Variants in POLG2 observed in about 807,000 individuals in gnomAD.
The protein encoded by POLG2 is DNA polymerase subunit gamma-2.
POLG2 carries 50 observed loss-of-function variants against 56.5 expected under a neutral mutation model. That is an observed-to-expected ratio of 0.88 (90% CI 0.71 to 1.12). The LOEUF (loss-of-function observed/expected upper bound fraction) is 1.12. POLG2 is among the 50% of genes most tolerant of loss of function. The pLI is 0.00. For missense variants in POLG2, 584 were observed against 583.3 expected (o/e 1.00, Z -0.01); for synonymous variants, 226 against 222.6 (o/e 1.02, Z -0.14).
intron 5 of POLG2, among the ~76,000 whole-genome samples, chr17:64,483,223 A>C (rs576100627): frequency 6.6e-6 from 1 of 152,270 alleles, no homozygotes; most frequent in East Asian, 1.9e-4. Context: ...GGCAGAAAGA[A>C]ATTAATTTGG....
At chr17:64,483,055 G>T in intron 5 of POLG2, 56 bp from the exon 6 acceptor site, 11 of 859,472 alleles carry the variant, frequency 1.3e-5, no homozygotes, top group Middle Eastern at 2.4e-4. Flanking sequence ...AGCATAGTTT[G>T]TTTAAATATA....
At chr17:64,489,692 G>A (rs2038023122) in intron 4 of POLG2, among the ~76,000 whole-genome samples, 1 of 151,854 alleles carries the variant, frequency 6.6e-6, no homozygotes, top group African/African-American at 2.4e-5. Context: ...AAGAGTTTGA[G>A]GTTGCAGTGA....
chr17:64,485,684 A>C (rs7223078), intron 5 of POLG2, 44 bp downstream of exon 5: 1 of 1,506,566 alleles, frequency 6.6e-7, no homozygotes, highest in Admixed American at 1.7e-5. Flanking sequence ...AAACAAACCC[A>C]TATTTTTAGT....
chr17:64,493,110 G>T, intron 1 of POLG2, 89 bp from the exon 2 acceptor site: 1 of 1,340,748 alleles, frequency 7.5e-7, no homozygotes, highest in Non-Finnish European at 1.1e-6. Flanking sequence ...TAGTAATAAC[G>T]TTAACACAGC....
At chr17:64,492,619 A>G (rs782594730) in intron 3 of POLG2, 48 bp downstream of exon 3, 2 of 1,092,408 alleles carry the variant, frequency 1.8e-6, no homozygotes, top group African/African-American at 3.1e-5. Flanking sequence ...TGACACATTA[A>G]GACAATTTAT....
At position 64,490,640 on chromosome 17, in the gene POLG2, T is replaced by A. The variant is rs2038041622; in HGVS notation, c.969+156A>T. 6.1e-6 allele frequency: 4 copies of A among 654,816 alleles called. No homozygotes were observed. In the Admixed American group the frequency reaches 7.2e-5, roughly 12 times the overall value. 40.6% of individuals were successfully genotyped at this position (654,816 alleles called of 1,614,324 possible). ...ATTACTGTTAATTTCCTGATTTTGATGACTGGATTGTAGTTATGTAGGTGA... is the reference window on the plus strand; with the variant it reads ...ATTACTGTTAATTTCCTGATTTTGAAGACTGGATTGTAGTTATGTAGGTGA... On this transcript the variant is annotated intron_variant, in intron 4 of 7. Coordinates refer to ENST00000539111, the MANE Select transcript of POLG2 (RefSeq NM_007215.4).
chr17:64,483,538 T>C (rs116729012), intron 5 of POLG2, among the ~76,000 whole-genome samples: 2,114 of 150,790 alleles, frequency 0.014, 39 homozygotes, highest in African/African-American at 0.049. Flanking sequence ...ACAAATTAAC[T>C]TGAGACCCTC....
At chr17:64,485,995 C>A in intron 4 of POLG2, 127 bp from the exon 5 acceptor site, 2 of 792,880 alleles carry the variant, frequency 2.5e-6, no homozygotes, top group South Asian at 1.4e-5. Context: ...CAGCTCCCTG[C>A]AACCTCTGCC....
chr17:64,486,241 A>C (rs2037950065), intron 4 of POLG2, among the ~76,000 whole-genome samples: 1 of 152,182 alleles, frequency 6.6e-6, no homozygotes, highest in Non-Finnish European at 1.5e-5. Flanking sequence ...GTTGGGCTCT[A>C]TCCCAGAGAT....
rs149446102 is a variant in POLG2 at position 64,496,512 on chromosome 17, G to C, written c.457C>G (p.Leu153Val). The C allele has an allele frequency of 2.3e-4, 364 of 1,613,134 alleles. No homozygotes were observed. Among genetic ancestry groups the C allele is most frequent in the Middle Eastern group, 4.9e-4 (3 of 6,062 alleles). Residue 153 changes from leucine to valine, a missense_variant, in exon 1 of 8, where the codon CTA (leucine) becomes GTA (valine). Leu to Val is a conservative substitution (Grantham distance 32, BLOSUM62 1). Transcript: ENST00000539111. ...TCTTTGTCTTGCAAGATTTCGCGTA[G>C]AGTTTCTGCAGAAACTAACCTGAAG... Reference protein sequence around the residue: ...SAFRLVSAETLREILQDKELS... With the variant: ...SAFRLVSAETVREILQDKELS...
intron 7 of POLG2, among the ~76,000 whole-genome samples, chr17:64,478,912 C>T (rs781872213): frequency 6.6e-6 from 1 of 152,008 alleles, no homozygotes; most frequent in Non-Finnish European, 1.5e-5. Context: ...AAGAATGATA[C>T]ATTTTTCTGT....
At chr17:64,489,028 C>CTTTT (rs562036918) in intron 4 of POLG2, among the ~76,000 whole-genome samples, 4 of 136,474 alleles carry the variant, frequency 2.9e-5, no homozygotes, top group African/African-American at 5.3e-5. Flanking sequence ...TTTTCTTTTT[C>CTTTT]TTTTTTTTTT....
chr17:64,494,912 G>A (rs1012739356), intron 1 of POLG2, among the ~76,000 whole-genome samples: 4 of 152,052 alleles, frequency 2.6e-5, no homozygotes, highest in Admixed American at 1.3e-4. Context: ...AGTGGCTCAC[G>A]CCTGTAATCC....
intron 6 of POLG2, among the ~76,000 whole-genome samples, chr17:64,481,623 A>C (rs959434832): frequency 6.6e-6 from 1 of 152,232 alleles, no homozygotes; most frequent in South Asian, 2.1e-4. Flanking sequence ...CTGTAATCCC[A>C]GCACGTTGGG....
chr17:64,490,467 A>C (rs965308155), intron 4 of POLG2: 3 of 342,064 alleles, frequency 8.8e-6, no homozygotes, highest in Non-Finnish European at 1.7e-5. Context: ...ACTCTTCAAA[A>C]ATGTCAAGGT....
intron 3 of POLG2, among the ~76,000 whole-genome samples, chr17:64,491,955 A>G (rs2038068114): frequency 6.6e-6 from 1 of 152,020 alleles, no homozygotes; most frequent in African/African-American, 2.4e-5. Context: ...AAAAACCAAA[A>G]ACAGACAACA....
In POLG2 at chr17:64,485,710, C is replaced by A; in HGVS notation, c.1110+18G>T. On this transcript the variant is annotated intron_variant, in intron 5 of 7. Transcript: ENST00000539111. ...TATTTTTAGTTTCCCAAGTCTATCT[C>A]TGAAATATCAACAGCACCTTTCTAT... 1 of 1,602,012 alleles carries A rather than the reference C, an allele frequency of 6.2e-7. No homozygotes were observed. The highest frequency in any genetic ancestry group is 8.6e-7 in the Non-Finnish European group (1 of 1,169,102).
rs1212509280 is a variant in POLG2, at chr17:64,485,861, T to C, written c.977A>G (p.Asp326Gly). The C allele has an allele frequency of 1.2e-6, 2 of 1,613,970 alleles. No individual in the cohort carries two copies. The highest frequency in any genetic ancestry group is 1.1e-5 in the South Asian group (1 of 91,088). Residue 326 changes from aspartate (D) to glycine (G), a missense_variant, in exon 5 of 8, where the codon GAT (aspartate) becomes GGT (glycine). By Grantham distance (94) the Asp-to-Gly change is moderately conservative (BLOSUM62 -1). Transcript: ENST00000539111. ...ACAAGGAACCACATTTTTTCGTCCA[T>C]CTCGGCCCTTCACAGAAAAACAGAA... ...PGNVSKLHGR[D>G]GRKNVVPCVL...
intron 5 of POLG2, chr17:64,485,241 A>T (rs572214008): frequency 6.2e-6 from 1 of 161,350 alleles, no homozygotes; most frequent in Admixed American, 6.1e-5. Flanking sequence ...TTTGACCCAT[A>T]AACATGCTCC....
Sources: gnomAD v4.1 joint callset for allele counts (sites outside exome capture counted in the v4.1 genomes callset) on GRCh38, gnomAD v4.1.1 for gene constraint, MANE v1.5 for transcripts, NCBI Gene and HGNC (gene_info 2026-07-23, HGNC 2026-07-21) for gene names.